The following DNM2 variants were observed in gnomAD, a reference collection of about 807,000 sequenced individuals.
The protein encoded by DNM2 is dynamin-2.
A neutral mutation model predicts 99.0 loss-of-function variants in DNM2; 15 were observed. The ratio of observed to expected loss-of-function variants is 0.15; its 90% CI spans 0.10 to 0.23. The LOEUF is 0.23. Ranked by LOEUF, DNM2 falls within the 10% of genes least tolerant of loss-of-function variation. DNM2 has a pLI of 1.00. For synonymous variants in DNM2, 525 were observed against 481.2 expected (o/e 1.09, Z -1.19); for missense variants, 742 against 1,189.4 (o/e 0.62, Z 5.53).
chr19:10,805,344 T>G (rs1026688552), intron 12 of DNM2, among the ~76,000 whole-genome samples: 3 of 151,668 alleles, frequency 2.0e-5, no homozygotes, highest in African/African-American at 7.3e-5. Flanking sequence ...ATGAGAAGAG[T>G]AGGAAGAAGG....
chr19:10,783,564 A>C (rs4296360), intron 6 of DNM2, among the ~76,000 whole-genome samples: 1 of 152,096 alleles, frequency 6.6e-6, no homozygotes, highest in Non-Finnish European at 1.5e-5. Flanking sequence ...TACAACCATC[A>C]CTGTTATTAT....
At chr19:10,735,284 C>T (rs763733222) in intron 1 of DNM2, among the ~76,000 whole-genome samples, 4 of 152,044 alleles carry the variant, frequency 2.6e-5, no homozygotes, top group Non-Finnish European at 4.4e-5. Flanking sequence ...ATGATCTGCC[C>T]GCCTCTGCCT....
At chr19:10,747,656 G>C (rs960674725) in intron 1 of DNM2, among the ~76,000 whole-genome samples, 9 of 152,188 alleles carry the variant, frequency 5.9e-5, no homozygotes, top group African/African-American at 2.2e-4. Context: ...CTCCTGCCTG[G>C]GTGTGTGTTG....
chr19:10,766,824 A>C (rs979798367), intron 2 of DNM2, among the ~76,000 whole-genome samples: 1 of 151,946 alleles, frequency 6.6e-6, no homozygotes, highest in South Asian at 2.1e-4. Context: ...GCCCAGATTA[A>C]TCCTTTACTC....
Position 10,776,309 on chromosome 19 carries a change from T to G in DNM2, c.589+403T>G, listed in dbSNP as rs137869276. On this transcript the variant is annotated intron_variant, in intron 4 of 20. Transcript: ENST00000389253. ...ATAGCTGATGTGAGGACTGTTGAAC[T>G]TTTGGGTTGTTTCTGATCTTTGCAT... 3.2e-3 allele frequency among the ~76,000 whole-genome samples: 489 copies of G among 152,332 alleles called. 1 individual carries two copies. Among genetic ancestry groups the G allele is most frequent in the African/African-American group, 0.011 (474 of 41,578 alleles).
chr19:10,731,154 G>T (rs1470911314), intron 1 of DNM2, among the ~76,000 whole-genome samples: 1 of 152,064 alleles, frequency 6.6e-6, no homozygotes, highest in Non-Finnish European at 1.5e-5. Flanking sequence ...GACCAGGCCA[G>T]CCCTGGGGAA....
intron 10 of DNM2, 102 bp downstream of exon 10, chr19:10,797,620 C>T: frequency 4.0e-5 from 62 of 1,567,868 alleles, no homozygotes; most frequent in Non-Finnish European, 5.3e-5. Context: ...GCAGGAACCC[C>T]CTTCCGCCTA....
intron 14 of DNM2, chr19:10,810,453 G>T (rs961185194): frequency 5.2e-5 from 8 of 152,394 alleles, no homozygotes; most frequent in African/African-American, 1.9e-4. Context: ...CTCTGAACCC[G>T]TGTGGAGAAG....
rs1568318041 is a variant in DNM2 at position 10,818,756 on chromosome 19, G to A, written c.1672-1224G>A. Among the ~76,000 whole-genome samples, 1 of 152,208 alleles carries A rather than the reference G, an allele frequency of 6.6e-6. No homozygotes were observed. Among genetic ancestry groups the A allele is most frequent in the Admixed American group, 6.5e-5 (1 of 15,288 alleles). On this transcript the variant is annotated intron_variant, in intron 15 of 20. Transcript: ENST00000389253. The surrounding 1 kb of genome is among the most constrained non-coding windows in gnomAD (Gnocchi z 4.3). ...GGACATGAGAGGAGTTTCCAGAGAC[G>A]GCCCAGGGAGAAGAAGGGCCAGGGG...
At chr19:10,774,315 T>A (rs952269730) in intron 3 of DNM2, among the ~76,000 whole-genome samples, 1 of 152,202 alleles carries the variant, frequency 6.6e-6, no homozygotes, top group Non-Finnish European at 1.5e-5. Context: ...ACCCTCTATC[T>A]TAAAAAAAAT....
chr19:10,772,188 T>C lies in DNM2; in HGVS notation c.236-291T>C, dbSNP rs1238075094. On this transcript the variant is annotated intron_variant, in intron 2 of 20. Coordinates refer to ENST00000389253, the MANE Select transcript of DNM2 (RefSeq NM_001005361.3). The surrounding 1 kb of genome is among the most constrained non-coding windows in gnomAD (Gnocchi z 4.9). ...TCCGCCTCCCGGGTTCAAGCAATTA[T>C]CCTGCCTCAGCCTCCTGAGTAGCTG... Among the ~76,000 whole-genome samples the C allele has an allele frequency of 6.6e-6, 1 of 152,036 alleles. No individual in the cohort carries two copies. The highest frequency in any genetic ancestry group is 1.5e-5 in the Non-Finnish European group (1 of 68,004).
In DNM2 at chr19:10,760,827, A is replaced by ATTTTTTTTTTTT. The variant is rs57290103; in HGVS notation, c.235+1022_235+1033dup. Reference sequence around the variant, plus strand: ...GTGCACACACCACCACACCCAGCTGATTTTTTTTTTTTTTTTTGGTAGAGA... The same window carrying ATTTTTTTTTTTT: ...GTGCACACACCACCACACCCAGCTGATTTTTTTTTTTTTTTTTTTTTTTTTTTTTGGTAGAGA... On this transcript the variant is annotated intron_variant, in intron 2 of 20. Transcript: ENST00000389253. 3.0e-3 allele frequency among the ~76,000 whole-genome samples: 123 copies of ATTTTTTTTTTTT among 41,252 alleles called. 40 individuals carry two copies. Among genetic ancestry groups the ATTTTTTTTTTTT allele is most frequent in the African/African-American group, 0.01 (111 of 10,626 alleles). 27.1% of individuals were successfully genotyped at this position (41,252 alleles called of 152,430 possible). A position where few individuals can be genotyped will look rare whatever the true frequency, so the allele number is the denominator to read the frequency against.
chr19:10,780,887 G>A (rs2071345114), intron 5 of DNM2, among the ~76,000 whole-genome samples: 1 of 152,070 alleles, frequency 6.6e-6, no homozygotes. Flanking sequence ...GTGTGTTGGT[G>A]CATGCCTGTA....
At chr19:10,803,625 C>T in intron 12 of DNM2, 1 of 986,350 alleles carries the variant, frequency 1.0e-6, no homozygotes, top group Non-Finnish European at 1.2e-6. Context: ...CCTGGGCCTT[C>T]CCACTTACCC....
rs555847531 is a variant in DNM2, at chr19:10,811,339, C to T, written c.1558-925C>T. 1 of 223,940 alleles carries T rather than the reference C, an allele frequency of 4.5e-6. No individual in the cohort carries two copies. The highest frequency in any genetic ancestry group is 5.3e-5 in the Admixed American group (1 of 18,972). 13.9% of individuals were successfully genotyped at this position (223,940 alleles called of 1,614,324 possible). A position where few individuals can be genotyped will look rare whatever the true frequency, so the allele number is the denominator to read the frequency against. ...CGGATGAAGCCCCTCCAGAGGACCG[C>T]CCCCGACTAGGACAGCATCTGGGCC... On this transcript the variant is annotated intron_variant, in intron 14 of 20. Transcript: ENST00000389253. The surrounding 1 kb of genome is among the most constrained non-coding windows in gnomAD (Gnocchi z 5.4).
At chr19:10,788,214 CAG>C (rs2071630896) in intron 7 of DNM2, among the ~76,000 whole-genome samples, 1 of 131,624 alleles carries the variant, frequency 7.6e-6, no homozygotes, top group Non-Finnish European at 1.6e-5. Context: ...GCCTGGGCAA[CAG>C]AGTAAGACTC....
chr19:10,814,831 GT>G (rs2072678362), intron 15 of DNM2, among the ~76,000 whole-genome samples: 1 of 152,080 alleles, frequency 6.6e-6, no homozygotes, highest in African/African-American at 2.4e-5. Flanking sequence ...TGATCAACCC[GT>G]TTCTTGCTTA....
chr19:10,783,129 A>G lies in DNM2; in HGVS notation c.849+9A>G, dbSNP rs776761320. ...AGAAGACGCTGAATCAGGTACTGCA[A>G]GGGTTTGCACGTAGTGTGCAGTGGC... is the stretch of plus-strand genomic sequence containing the variant. On this transcript the variant is annotated intron_variant, in intron 6 of 20. Transcript: ENST00000389253. 7 of 1,609,080 alleles carry G rather than the reference A, an allele frequency of 4.4e-6. No individual in the cohort carries two copies. The Admixed American group carries it at 1.2e-4, about 27-fold the overall frequency.
At chr19:10,767,139 C>T (rs1002883304) in intron 2 of DNM2, among the ~76,000 whole-genome samples, 6 of 151,466 alleles carry the variant, frequency 4.0e-5, no homozygotes, top group African/African-American at 4.9e-5. Flanking sequence ...GGCTGGGCCT[C>T]GGCTGCTGCT....
Sources: allele counts gnomAD v4.1 joint callset (sites outside exome capture counted in the v4.1 genomes callset), GRCh38; gene constraint gnomAD v4.1.1; non-coding constraint Gnocchi (gnomAD v3.1); transcripts MANE v1.5; gene names NCBI Gene and HGNC (gene_info 2026-07-23, HGNC 2026-07-21).